CD163L1: variants seen among roughly 807,000 people sequenced by gnomAD.
The protein encoded by CD163L1 is scavenger receptor cysteine-rich type 1 protein M160.
Under a neutral mutation model 165.4 loss-of-function variants are expected in CD163L1, and 124 were observed. The observed-to-expected ratio is 0.75, with a 90% CI of 0.65 to 0.87. CD163L1 has a LOEUF of 0.87. Among genes scored for constraint, CD163L1 ranks in the 40% least tolerant of loss-of-function variants. The pLI, the probability that CD163L1 is intolerant of heterozygous loss-of-function variation, is 0.00. For missense variants in CD163L1, 1,525 were observed against 1,799.9 expected (o/e 0.85, Z 2.76); for synonymous variants, 585 against 662.2 (o/e 0.88, Z 1.79).
intron 9 of CD163L1, among the ~76,000 whole-genome samples, chr12:7,378,407 A>C (rs142559541): frequency 1.8e-3 from 273 of 152,304 alleles, no homozygotes; most frequent in Middle Eastern, 6.8e-3. Context: ...TGCAAGTTGT[A>C]TCATGCTTAC....
intron 4 of CD163L1, among the ~76,000 whole-genome samples, chr12:7,414,827 A>G (rs146454998): frequency 1.6e-3 from 250 of 152,278 alleles, no homozygotes; most frequent in Middle Eastern, 6.8e-3. Context: ...GAACAAAAAA[A>G]GAACCCTGCC....
intron 4 of CD163L1, among the ~76,000 whole-genome samples, chr12:7,420,013 A>G (rs1948318367): frequency 6.6e-6 from 1 of 152,148 alleles, no homozygotes; most frequent in African/African-American, 2.4e-5. Flanking sequence ...ATAGGCACAT[A>G]GATCAGTGGA....
At position 7,362,455 on chromosome 12, in the gene CD163L1, C is replaced by G. The variant is rs1218901375; in HGVS notation, c.4279+4781G>C. Among the ~76,000 whole-genome samples, 30 of 136,592 alleles carry G rather than the reference C, an allele frequency of 2.2e-4. 1 individual carries two copies. The Admixed American group carries it at 2.3e-3, about 10-fold the overall frequency. The allele number at this position is 136,592 out of a possible 152,430, so 89.6% of individuals were successfully genotyped here. A position where few individuals can be genotyped will look rare whatever the true frequency, so the allele number is the denominator to read the frequency against. On this transcript the variant is annotated intron_variant, in intron 18 of 19. Transcript: ENST00000313599. ...TACCATATATAATTATGTGTTATTA[C>G]ATTATTCTAATAATTTATTCTGTAA...
chr12:7,374,712 C>T lies in CD163L1; in HGVS notation c.3139G>A (p.Gly1047Arg), dbSNP rs777856906. Reference sequence around the variant, plus strand: ...CCGTCGTGATAGATCTCTACTCTCCCGGCACAGCGGCTGTCCCCATCCACT... The same window carrying T: ...CCGTCGTGATAGATCTCTACTCTCCTGGCACAGCGGCTGTCCCCATCCACT... ...RLVDGDSRCAGRVEIYHDGFW... is the reference protein window; with the variant it reads ...RLVDGDSRCARRVEIYHDGFW... The change falls in exon 13 of 20, where the codon GGG becomes AGG. Residue 1047 changes from glycine to arginine, a missense_variant. Coordinates refer to ENST00000313599, the MANE Select transcript of CD163L1 (RefSeq NM_174941.6). This position sits in a 1 kb window ranked among gnomAD's most constrained non-coding sequence, Gnocchi z 5.4. 5.3e-5 allele frequency: 86 copies of T among 1,613,940 alleles called. No individual in the cohort carries two copies. In the Admixed American group the frequency reaches 6.7e-4, roughly 13 times the overall value.
the CD163L1 span, among the ~76,000 whole-genome samples, chr12:7,332,508 A>G: frequency 6.6e-6 from 1 of 152,218 alleles, no homozygotes; most frequent in Non-Finnish European, 1.5e-5. Flanking sequence ...GAAATGAGGG[A>G]AAAAATGTTA....
rs745309100 is a variant in CD163L1 at position 7,432,541 on chromosome 12, A to C, written c.641T>G (p.Leu214Trp). ...SSGVVNSPAV[L>W]RPIWLDDILC... ...AATGTCATCCAGCCAAATGGGGCGCAATACAGCAGGGCTATTAACAACTCC... is the reference window on the plus strand; with the variant it reads ...AATGTCATCCAGCCAAATGGGGCGCCATACAGCAGGGCTATTAACAACTCC... The change falls in exon 4 of 20, where the codon TTG becomes TGG. Residue 214 changes from leucine (L) to tryptophan (W), a missense_variant. Leu to Trp is a moderately conservative substitution (Grantham distance 61). Transcript: ENST00000313599. This position sits in a 1 kb window ranked among gnomAD's most constrained non-coding sequence, Gnocchi z 4.2. 10 of 1,614,228 alleles carry C rather than the reference A, an allele frequency of 6.2e-6. No homozygotes were observed. Among genetic ancestry groups the C allele is most frequent in the South Asian group, 1.1e-5 (1 of 91,090 alleles).
chr12:7,395,014 A>T (rs1947742974), intron 8 of CD163L1, among the ~76,000 whole-genome samples: 1 of 152,218 alleles, frequency 6.6e-6, no homozygotes, highest in African/African-American at 2.4e-5. Context: ...AATTAGTTCA[A>T]CCATTGTGGA....
At chr12:7,420,613 A>G (rs1018251096) in intron 4 of CD163L1, among the ~76,000 whole-genome samples, 16 of 152,034 alleles carry the variant, frequency 1.1e-4, no homozygotes, top group Non-Finnish European at 1.3e-4. Context: ...AAAACTCTCA[A>G]CATCACTCAT....
intron 4 of CD163L1, among the ~76,000 whole-genome samples, chr12:7,412,753 C>T (rs141886408): frequency 0.014 from 2,059 of 152,100 alleles, 20 homozygotes; most frequent in Middle Eastern, 0.054. Flanking sequence ...TTTTAACAAC[C>T]ATTTATGAGT....
chr12:7,321,476 A>G, the CD163L1 span, among the ~76,000 whole-genome samples: 47 of 152,358 alleles, frequency 3.1e-4, no homozygotes, highest in African/African-American at 1.1e-3. Context: ...GGAAAGTGCT[A>G]TGCGAGACAG....
chr12:7,375,249 A>G lies in CD163L1; in HGVS notation c.3001+32T>C, dbSNP rs372796136. 1.9e-6 allele frequency: 3 copies of G among 1,600,932 alleles called. No homozygotes were observed. The African/African-American group carries it at 4.1e-5, about 22-fold the overall frequency. The stretch of plus-strand genomic sequence containing the variant: ...CCTCTACCATGTCTGGGCTATATTG[A>G]CAGTAGTTAACCATAAGCACTATTC... On this transcript the variant is annotated intron_variant, in intron 11 of 19. Coordinates refer to ENST00000313599, the MANE Select transcript of CD163L1 (RefSeq NM_174941.6).
chr12:7,349,776 C>A (rs1296225537), intron 4 of CD163L1, among the ~76,000 whole-genome samples: 3 of 152,152 alleles, frequency 2.0e-5, no homozygotes, highest in African/African-American at 7.2e-5. Flanking sequence ...GTAATGGGAA[C>A]AATACACTAA....
chr12:7,437,041 A>G (rs928204517), intron 2 of CD163L1, among the ~76,000 whole-genome samples: 2 of 149,996 alleles, frequency 1.3e-5, no homozygotes, highest in Admixed American at 1.3e-4. Context: ...TTCTTGAAAC[A>G]TTATTATAAA....
intron 2 of CD163L1, chr12:7,439,148 T>C: frequency 6.3e-7 from 1 of 1,577,756 alleles, no homozygotes; most frequent in South Asian, 1.2e-5. Flanking sequence ...GCTGTCGGAA[T>C]GTAGCCCTTC....
At chr12:7,378,929 G>A (rs777709285) in intron 9 of CD163L1, 49 bp downstream of exon 9, 32 of 1,522,322 alleles carry the variant, frequency 2.1e-5, no homozygotes, top group Non-Finnish European at 2.4e-5. Context: ...TTAAATAAGT[G>A]CAAAAATAAA....
chr12:7,375,504 G>T lies in CD163L1; in HGVS notation c.2778C>A (p.Asp926Glu). Residue 926 changes from aspartate (D) to glutamate (E), a missense_variant, in exon 11 of 20, where the codon GAC becomes GAA. Coordinates refer to ENST00000313599, the MANE Select transcript of CD163L1 (RefSeq NM_174941.6). The part of the protein sequence containing the change: ...NVLGHWGSLC[D>E]THWDPEDARV... ...GGGCATCTTCTGGGTCCCAGTGGGTGTCACACAGTGAGCCCCAGTGTCCAA... is the reference window on the plus strand; with the variant it reads ...GGGCATCTTCTGGGTCCCAGTGGGTTTCACACAGTGAGCCCCAGTGTCCAA... 6.2e-7 allele frequency: 1 copy of T among 1,614,090 alleles called. No homozygotes were observed.
At chr12:7,421,588 CATATA>C (rs1948425391) in intron 4 of CD163L1, among the ~76,000 whole-genome samples, 1 of 91,602 alleles carries the variant, frequency 1.1e-5, no homozygotes, top group Non-Finnish European at 2.1e-5. Flanking sequence ...TACATATATA[CATATA>C]CATATATGTA....
rs1191067457 is a variant in CD163L1, at chr12:7,396,059, G to C, written c.2050+36C>G. 3.2e-6 allele frequency: 5 copies of C among 1,547,234 alleles called. No homozygotes were observed. In the Admixed American group the frequency reaches 9.1e-5, roughly 28 times the overall value. On this transcript the variant is annotated intron_variant, in intron 8 of 19. Transcript: ENST00000313599. The stretch of plus-strand genomic sequence containing the variant: ...GAAGGTATGTTAGAGAACCCAGGCA[G>C]TTTCTTTTAAGGAAGCCCTGGTTTG...
chr12:7,344,918 A>G (rs1020166161), downstream of CD163L1, among the ~76,000 whole-genome samples: 2 of 152,242 alleles, frequency 1.3e-5, no homozygotes, highest in Non-Finnish European at 2.9e-5. Flanking sequence ...CAGGCTGCAC[A>G]GGGCAGTAGG....
Sources: gnomAD v4.1 joint callset for allele counts (sites outside exome capture counted in the v4.1 genomes callset) on GRCh38, gnomAD v4.1.1 for gene constraint, Gnocchi (gnomAD v3.1) non-coding constraint, MANE v1.5 for transcripts, NCBI Gene and HGNC (gene_info 2026-07-23, HGNC 2026-07-21) for gene names.